Variants in RAB31 observed in about 807,000 individuals in gnomAD.
The protein encoded by RAB31 is RAB31, member RAS oncogene family.
Under a neutral mutation model 25.6 loss-of-function variants are expected in RAB31, and 21 were observed. That is an observed-to-expected ratio of 0.82 (90% CI 0.58 to 1.18). The LOEUF (loss-of-function observed/expected upper bound fraction) is 1.18. RAB31 is among the 50% of genes most tolerant of loss of function. RAB31 has a pLI of 0.00. For synonymous variants in RAB31, 87 were observed against 84.0 expected (o/e 1.04, Z -0.20); for missense variants, 196 against 250.1 (o/e 0.78, Z 1.46).
At chr18:9,768,854 C>G (rs184523205) in intron 1 of RAB31, among the ~76,000 whole-genome samples, 1 of 152,172 alleles carries the variant, frequency 6.6e-6, no homozygotes, top group South Asian at 2.1e-4. Flanking sequence ...TTTAATCCAT[C>G]TTGAGTTAAC....
At chr18:9,788,547 A>G (rs1469995036) in intron 2 of RAB31, among the ~76,000 whole-genome samples, 1 of 152,240 alleles carries the variant, frequency 6.6e-6, no homozygotes, top group African/African-American at 2.4e-5. Context: ...CAGTTCTACT[A>G]CTGGGTATTT....
At chr18:9,776,090 C>T (rs1170835834) in intron 2 of RAB31, among the ~76,000 whole-genome samples, 2 of 152,126 alleles carry the variant, frequency 1.3e-5, no homozygotes, top group African/African-American at 4.8e-5. Context: ...GCGCCCAGCC[C>T]CTTTTCTGGA....
chr18:9,777,978 C>T (rs1353020746), intron 2 of RAB31, among the ~76,000 whole-genome samples: 2 of 152,036 alleles, frequency 1.3e-5, no homozygotes, highest in Non-Finnish European at 2.9e-5. Flanking sequence ...TGGTCTCAAT[C>T]TCTTGACCTT....
At chr18:9,726,641 T>C (rs2068097453) in intron 1 of RAB31, among the ~76,000 whole-genome samples, 1 of 152,208 alleles carries the variant, frequency 6.6e-6, no homozygotes, top group African/African-American at 2.4e-5. Flanking sequence ...GTTCTCTTTA[T>C]ATACTTTGCT....
intron 6 of RAB31, among the ~76,000 whole-genome samples, chr18:9,847,820 C>G (rs1019738832): frequency 6.6e-6 from 1 of 152,158 alleles, no homozygotes; most frequent in Non-Finnish European, 1.5e-5. Flanking sequence ...GCAATCTTCC[C>G]CCATCGGCCT....
At chr18:9,801,429 C>T (rs1324543847) in intron 3 of RAB31, among the ~76,000 whole-genome samples, 1 of 152,042 alleles carries the variant, frequency 6.6e-6, no homozygotes, top group African/African-American at 2.4e-5. Flanking sequence ...TTACAGCCAG[C>T]TGCCACCATG....
intron 3 of RAB31, among the ~76,000 whole-genome samples, chr18:9,808,984 G>A (rs1179876558): frequency 6.6e-6 from 1 of 152,236 alleles, no homozygotes; most frequent in Non-Finnish European, 1.5e-5. Context: ...CAGAGTAGGT[G>A]TTCTAAAGGA....
At chr18:9,781,756 T>A (rs1429956562) in intron 2 of RAB31, among the ~76,000 whole-genome samples, 7 of 152,202 alleles carry the variant, frequency 4.6e-5, no homozygotes, top group Admixed American at 4.6e-4. Flanking sequence ...TTTGAGAAAA[T>A]GTTTTCAAAC....
At chr18:9,728,738 A>G (rs1344541634) in intron 1 of RAB31, among the ~76,000 whole-genome samples, 2 of 152,146 alleles carry the variant, frequency 1.3e-5, no homozygotes, top group African/African-American at 4.8e-5. Context: ...GGGTTTCACC[A>G]TGTTGGCCAG....
chr18:9,835,178 G>A (rs2068697883), intron 5 of RAB31, among the ~76,000 whole-genome samples: 1 of 152,130 alleles, frequency 6.6e-6, no homozygotes, highest in Admixed American at 6.5e-5. Context: ...TGACCTAAGT[G>A]GTCTATCCCA....
At chr18:9,717,313 C>G (rs1208522189) in intron 1 of RAB31, among the ~76,000 whole-genome samples, 1 of 152,126 alleles carries the variant, frequency 6.6e-6, no homozygotes, top group Non-Finnish European at 1.5e-5. Context: ...CTTGAATTCT[C>G]TAGAAGTCAT....
At chr18:9,757,125 A>G (rs1383579795) in intron 1 of RAB31, among the ~76,000 whole-genome samples, 6 of 152,206 alleles carry the variant, frequency 3.9e-5, no homozygotes, top group African/African-American at 1.2e-4. Context: ...GTTATGGGAA[A>G]AGGAATTTAT....
chr18:9,812,715 T>TTG (rs2068580011), intron 3 of RAB31, among the ~76,000 whole-genome samples: 2 of 60,376 alleles, frequency 3.3e-5, no homozygotes, highest in Non-Finnish European at 6.6e-5. Context: ...TTTTTTTTTT[T>TTG]GAGATAAAGT....
intron 3 of RAB31, among the ~76,000 whole-genome samples, chr18:9,804,089 C>G (rs1324374252): frequency 6.6e-6 from 1 of 152,250 alleles, no homozygotes; most frequent in African/African-American, 2.4e-5. Context: ...AACACAGAGG[C>G]GGCCAGAGGG....
Position 9,848,358 on chromosome 18 carries a change from A to G in RAB31, c.490+2667A>G, listed in dbSNP as rs144932086. 1.2e-4 allele frequency among the ~76,000 whole-genome samples: 19 copies of G among 152,042 alleles called. No homozygotes were observed. The East Asian group carries it at 3.7e-3, about 29-fold the overall frequency. On this transcript the variant is annotated intron_variant, in intron 6 of 6. Coordinates refer to ENST00000578921, the MANE Select transcript of RAB31 (RefSeq NM_006868.4). ...TGTCTATCCATCTGTCCGTCTATCT[A>G]TCTATTCATCTGTACATCTGTCTGT... is the stretch of plus-strand genomic sequence containing the variant.
chr18:9,835,325 C>T (rs188411109), intron 5 of RAB31, among the ~76,000 whole-genome samples: 53 of 151,542 alleles, frequency 3.5e-4, no homozygotes, highest in Admixed American at 4.6e-4. Flanking sequence ...GATTTGGAGC[C>T]GACAACTCTT....
chr18:9,752,654 A>G (rs2068241316), intron 1 of RAB31, among the ~76,000 whole-genome samples: 1 of 152,226 alleles, frequency 6.6e-6, no homozygotes, highest in Admixed American at 6.5e-5. Flanking sequence ...CCTGACTGAT[A>G]TAACATCATT....
chr18:9,755,014 G>A (rs1230898960), intron 1 of RAB31, among the ~76,000 whole-genome samples: 1 of 152,196 alleles, frequency 6.6e-6, no homozygotes, highest in South Asian at 2.1e-4. Context: ...TTGGGTTTCT[G>A]AGGCACAGAC....
At position 9,861,205 on chromosome 18, in the gene RAB31, AC is replaced by A. The variant is rs2068845811; in HGVS notation, c.*1882del. 2 of 152,092 alleles carry A rather than the reference AC, an allele frequency of 1.3e-5. No homozygotes were observed. The highest frequency in any genetic ancestry group is 4.8e-5 in the African/African-American group (2 of 41,464). The allele number at this position is 152,092 out of a possible 1,614,324, so 9.4% of individuals were successfully genotyped here. ...TTTCCTCATCCAGTTTTCCCTGAGA[AC>A]CTGGGTTTATCTCTAGATAGCTGTT... On this transcript the variant is annotated 3_prime_UTR_variant, in exon 7 of 7. Transcript: ENST00000578921.
Sources: gnomAD v4.1 joint callset for allele counts (sites outside exome capture counted in the v4.1 genomes callset) on GRCh38, gnomAD v4.1.1 for gene constraint, MANE v1.5 for transcripts, NCBI Gene and HGNC (gene_info 2026-07-23, HGNC 2026-07-21) for gene names.